CCDC60: variants seen among roughly 807,000 people sequenced by gnomAD.
The protein encoded by CCDC60 is coiled-coil domain-containing protein 60.
Under a neutral mutation model 63.5 loss-of-function variants are expected in CCDC60, and 54 were observed. The observed-to-expected ratio is 0.85, with a 90% confidence interval of 0.68 to 1.07. The LOEUF (loss-of-function observed/expected upper bound fraction) is 1.07. Among genes scored for constraint, CCDC60 ranks in the 50% least tolerant of loss-of-function variants. CCDC60 has a pLI of 0.00. For missense variants in CCDC60, 651 were observed against 684.3 expected, an observed-to-expected ratio of 0.95 and a Z score of 0.54; for synonymous variants, 206 against 238.8, an observed-to-expected ratio of 0.86 and a Z score of 1.27.
At chr12:119,355,557 G>A (rs1955708304) in intron 1 of CCDC60, among the ~76,000 whole-genome samples, 1 of 152,196 alleles carries the variant, frequency 6.6e-6, no homozygotes, top group South Asian at 2.1e-4. Flanking sequence ...CTCAAAATTG[G>A]GGCTTAGCCC....
intron 1 of CCDC60, among the ~76,000 whole-genome samples, chr12:119,360,313 C>G (rs1189555332): frequency 1.3e-5 from 2 of 148,924 alleles, no homozygotes. Context: ...ACCTCCCTCC[C>G]GGACTGGGCG....
At chr12:119,344,836 T>A (rs140506717) in intron 1 of CCDC60, among the ~76,000 whole-genome samples, 1 of 107,964 alleles carries the variant, frequency 9.3e-6, no homozygotes, top group Non-Finnish European at 1.9e-5. Context: ...CTCTCTCTCT[T>A]TCTCTCTCTC....
chr12:119,445,183 C>T (rs1950519271), intron 2 of CCDC60, among the ~76,000 whole-genome samples: 1 of 151,890 alleles, frequency 6.6e-6, no homozygotes, highest in Admixed American at 6.6e-5. Context: ...CCTTTAATCC[C>T]AGCAATTTGG....
intron 4 of CCDC60, among the ~76,000 whole-genome samples, chr12:119,485,084 A>G (rs1183508278): frequency 6.6e-6 from 1 of 152,242 alleles, no homozygotes; most frequent in Non-Finnish European, 1.5e-5. Context: ...AAGGAAGAGG[A>G]GCAGGAATAT....
At chr12:119,540,001 T>C (rs1254898052) in intron 13 of CCDC60, among the ~76,000 whole-genome samples, 2 of 152,196 alleles carry the variant, frequency 1.3e-5, no homozygotes, top group Non-Finnish European at 2.9e-5. Context: ...GCTTGCCCTC[T>C]GTGCTGCACC....
intron 1 of CCDC60, among the ~76,000 whole-genome samples, chr12:119,339,119 G>A (rs2136140379): frequency 6.6e-6 from 1 of 152,158 alleles, no homozygotes. Context: ...ATCTGCTTAG[G>A]GAGTCCCTTT....
At chr12:119,337,219 C>G (rs1955480606) in intron 1 of CCDC60, among the ~76,000 whole-genome samples, 1 of 152,222 alleles carries the variant, frequency 6.6e-6, no homozygotes, top group African/African-American at 2.4e-5. Context: ...AAATACCACA[C>G]AGAAGGATGT....
intron 1 of CCDC60, among the ~76,000 whole-genome samples, chr12:119,406,661 TA>T (rs1329656268): frequency 6.7e-6 from 1 of 149,002 alleles, no homozygotes; most frequent in East Asian, 1.9e-4. Context: ...ATACAAAACA[TA>T]ATAAAAAGGT....
intron 1 of CCDC60, among the ~76,000 whole-genome samples, chr12:119,426,966 G>T (rs1007218467): frequency 1.3e-5 from 2 of 152,146 alleles, no homozygotes; most frequent in African/African-American, 2.4e-5. Flanking sequence ...TGACTGCAGA[G>T]AAAACACTTT....
chr12:119,468,798 G>A (rs1162777976), intron 2 of CCDC60, among the ~76,000 whole-genome samples: 1 of 151,890 alleles, frequency 6.6e-6, no homozygotes, highest in Admixed American at 6.6e-5. Context: ...TTTAGGCCAG[G>A]TGCAGTGGCT....
chr12:119,535,242 T>C (rs1019779897), intron 13 of CCDC60, among the ~76,000 whole-genome samples: 4 of 152,270 alleles, frequency 2.6e-5, no homozygotes, highest in African/African-American at 4.8e-5. Context: ...TTTGTATTTC[T>C]GTGGGATCAG....
At chr12:119,485,532 C>T (rs549919) in intron 4 of CCDC60, among the ~76,000 whole-genome samples, 80,098 of 151,982 alleles carry the variant, frequency 0.53, 22,127 homozygotes, top group East Asian at 0.85. Context: ...TCTCCCAACC[C>T]TCTCGAGGTT....
chr12:119,339,775 T>G (rs964874405), intron 1 of CCDC60, among the ~76,000 whole-genome samples: 5 of 152,138 alleles, frequency 3.3e-5, no homozygotes, highest in African/African-American at 1.2e-4. Flanking sequence ...GCCACTATAC[T>G]CCAGCCGGGG....
intron 1 of CCDC60, among the ~76,000 whole-genome samples, chr12:119,398,460 C>A (rs1956325935): frequency 1.3e-5 from 2 of 152,212 alleles, no homozygotes. Context: ...CAGCTCCAGC[C>A]TCGGCCAGCC....
chr12:119,533,572 A>C (rs1566067999), intron 13 of CCDC60, among the ~76,000 whole-genome samples: 1 of 152,186 alleles, frequency 6.6e-6, no homozygotes, highest in Non-Finnish European at 1.5e-5. Context: ...TAAGTCTTTA[A>C]TCCATCTTGA....
intron 2 of CCDC60, among the ~76,000 whole-genome samples, chr12:119,458,358 G>A (rs779086736): frequency 8.5e-5 from 13 of 152,174 alleles, no homozygotes; most frequent in Non-Finnish European, 1.8e-4. Context: ...CATATTTCTT[G>A]TAGGTAGAGC....
chr12:119,382,609 G>C (rs1956019377), intron 1 of CCDC60, among the ~76,000 whole-genome samples: 1 of 151,598 alleles, frequency 6.6e-6, no homozygotes, highest in Non-Finnish European at 1.5e-5. Flanking sequence ...CAGAACAGTG[G>C]GAATGAATGA....
At position 119,456,007 on chromosome 12, in the gene CCDC60, GAAAGAA is replaced by G. The variant is rs1566019377; in HGVS notation, c.171-15985_171-15980del. The stretch of plus-strand genomic sequence containing the variant: ...AGAGAAAGAGAGAGAGAAAGAGAAA[GAAAGAA>G]AGAAAGAAAGAAAGAAAGAAAGAAA... On this transcript the variant is annotated intron_variant, in intron 2 of 13. Coordinates refer to ENST00000327554, the MANE Select transcript of CCDC60 (RefSeq NM_178499.5). This position sits in a 1 kb window ranked among gnomAD's most constrained non-coding sequence, Gnocchi z 4.6. Among the ~76,000 whole-genome samples the G allele has an allele frequency of 0.016, 1,774 of 113,552 alleles. 62 individuals carry two copies. The highest frequency in any genetic ancestry group is 0.029 in the African/African-American group (819 of 28,588). The allele number at this position is 113,552 out of a possible 152,430, so 74.5% of individuals were successfully genotyped here.
At chr12:119,381,286 C>G (rs1174348301) in intron 1 of CCDC60, among the ~76,000 whole-genome samples, 3 of 152,156 alleles carry the variant, frequency 2.0e-5, no homozygotes, top group African/African-American at 7.2e-5. Context: ...CTTGGTTTGC[C>G]TTTGGCTCAA....
Sources: allele counts gnomAD v4.1 joint callset (sites outside exome capture counted in the v4.1 genomes callset), GRCh38; gene constraint gnomAD v4.1.1; non-coding constraint Gnocchi (gnomAD v3.1); transcripts MANE v1.5; gene names NCBI Gene and HGNC (gene_info 2026-07-23, HGNC 2026-07-21).